SORBS2: variants seen among roughly 807,000 people sequenced by gnomAD.
SORBS2 encodes sorbin and SH3 domain containing 2.
In SORBS2, 46 loss-of-function variants were observed where a neutral mutation model predicts 97.7. The ratio of observed to expected loss-of-function variants is 0.47; its 90% CI spans 0.37 to 0.60. SORBS2 has a LOEUF of 0.60. Ranked by LOEUF, SORBS2 falls within the 20% of genes least tolerant of loss-of-function variation. The pLI is 0.00. For synonymous variants in SORBS2, 476 were observed against 473.4 expected, an observed-to-expected ratio of 1.01 and a Z score of -0.07; for missense variants, 1,316 against 1,282.3, an observed-to-expected ratio of 1.03 and a Z score of -0.40.
At position 185,670,224 on chromosome 4, in the gene SORBS2, TA is replaced by T. The variant is rs919647505; in HGVS notation, c.-45-7983del. ...ACAGAGCAAGACTCTGTCTCAAATTTAAAAAAAAAAGGTTTATTTTGCTTTA... is the reference window on the plus strand; with the variant it reads ...ACAGAGCAAGACTCTGTCTCAAATTTAAAAAAAAAGGTTTATTTTGCTTTA... On this transcript the variant is annotated intron_variant, in intron 4 of 20. Coordinates refer to the SORBS2 transcript ENST00000284776. 3.9e-4 allele frequency among the ~76,000 whole-genome samples: 58 copies of T among 148,696 alleles called. 1 individual carries two copies. Among genetic ancestry groups the T allele is most frequent in the Middle Eastern group, 3.5e-3 (1 of 288 alleles).
chr4:185,675,901 T>C (rs2097783349), intron 4 of SORBS2, among the ~76,000 whole-genome samples: 1 of 152,222 alleles, frequency 6.6e-6, no homozygotes, highest in South Asian at 2.1e-4. Context: ...TGTTTAAGGC[T>C]CGTCTGCTTT....
chr4:185,608,398 G>A (rs2096470713), intron 12 of SORBS2, among the ~76,000 whole-genome samples: 1 of 152,192 alleles, frequency 6.6e-6, no homozygotes. Flanking sequence ...AAGCTCATTT[G>A]ATGCTAACGG....
intron 1 of SORBS2, among the ~76,000 whole-genome samples, chr4:185,783,896 C>A (rs1183460244): frequency 6.6e-6 from 1 of 152,188 alleles, no homozygotes; most frequent in South Asian, 2.1e-4. Context: ...TTCCCATATT[C>A]ATTACTCTGT....
chr4:185,754,520 G>A (rs144297834), intron 2 of SORBS2, among the ~76,000 whole-genome samples: 40 of 152,200 alleles, frequency 2.6e-4, no homozygotes, highest in Middle Eastern at 3.4e-3. Context: ...TTGATAACAC[G>A]TTTTATGTAT....
rs1321200918 is a variant in SORBS2, at chr4:185,908,321, ATT to A, written c.-338+47873_-338+47874del. On this transcript the variant is annotated intron_variant, in intron 1 of 20. Coordinates refer to the SORBS2 transcript ENST00000284776. ...TATATATATATATATATATATATAT[ATT>A]TGTATACACACAAATATATATATAT... Among the ~76,000 whole-genome samples the A allele has an allele frequency of 2.3e-3, 297 of 127,100 alleles. 1 individual carries two copies. Among genetic ancestry groups the A allele is most frequent in the Non-Finnish European group, 3.7e-3 (214 of 57,812 alleles). The allele number at this position is 127,100 out of a possible 152,430, so 83.4% of individuals were successfully genotyped here.
At chr4:185,748,596 G>A (rs1584046944) in intron 2 of SORBS2, among the ~76,000 whole-genome samples, 1 of 152,320 alleles carries the variant, frequency 6.6e-6, no homozygotes, top group Non-Finnish European at 1.5e-5. Flanking sequence ...CACTGATGAC[G>A]AGAGATGGTG....
intron 2 of SORBS2, among the ~76,000 whole-genome samples, chr4:185,714,984 T>A (rs2098453829): frequency 6.6e-6 from 1 of 152,350 alleles, no homozygotes; most frequent in Middle Eastern, 3.4e-3. Flanking sequence ...TAAGCAACTG[T>A]GTTTTGGGTT....
chr4:185,932,442 T>C (rs1378126332), intron 1 of SORBS2, among the ~76,000 whole-genome samples: 1 of 151,930 alleles, frequency 6.6e-6, no homozygotes, highest in African/African-American at 2.4e-5. Context: ...GATGATTTTT[T>C]GGCCAGACAA....
intron 2 of SORBS2, among the ~76,000 whole-genome samples, chr4:185,734,988 A>T (rs2098673799): frequency 6.6e-6 from 1 of 152,224 alleles, no homozygotes; most frequent in South Asian, 2.1e-4. Flanking sequence ...ATATGGCTGC[A>T]GCAGCAGCTT....
chr4:185,682,589 AAT>A (rs2153505936), intron 2 of SORBS2, among the ~76,000 whole-genome samples: 1 of 152,352 alleles, frequency 6.6e-6, no homozygotes, highest in South Asian at 2.1e-4. Flanking sequence ...GAAGGCAATA[AAT>A]ATTTATCAAT....
At chr4:185,897,394 G>T (rs76118660) in intron 1 of SORBS2, among the ~76,000 whole-genome samples, 11,093 of 152,188 alleles carry the variant, frequency 0.073, 534 homozygotes, top group Non-Finnish European at 0.099. Flanking sequence ...CAGTCTATTC[G>T]CATTAGACCA....
intron 3 of SORBS2, among the ~76,000 whole-genome samples, chr4:185,648,566 G>A (rs575326079): frequency 6.6e-6 from 1 of 151,806 alleles, no homozygotes; most frequent in East Asian, 1.9e-4. Context: ...TGGTACAATA[G>A]GGTGTTGAAT....
At chr4:185,853,591 A>G (rs1461875541) in intron 1 of SORBS2, among the ~76,000 whole-genome samples, 1 of 152,206 alleles carries the variant, frequency 6.6e-6, no homozygotes, top group African/African-American at 2.4e-5. Context: ...GAAATATGCA[A>G]ACTTATTTTT....
chr4:185,725,798 C>A (rs1200372093), intron 2 of SORBS2, among the ~76,000 whole-genome samples: 2 of 152,102 alleles, frequency 1.3e-5, no homozygotes, highest in African/African-American at 4.8e-5. Context: ...CCTTTTAATT[C>A]CAAGCTGCAA....
At chr4:185,656,793 G>A in exon 1 of SORBS2, 2 of 1,427,520 alleles carry the variant, frequency 1.4e-6, no homozygotes, top group Non-Finnish European at 1.8e-6. Context: ...CAATGCTTTG[G>A]CAGAGTTTTA....
At chr4:185,613,593 A>G (rs921921019) in intron 11 of SORBS2, among the ~76,000 whole-genome samples, 1 of 140,964 alleles carries the variant, frequency 7.1e-6, no homozygotes, top group African/African-American at 2.6e-5. Flanking sequence ...GGTTGCAGTG[A>G]GCTGAGAGCA....
intron 14 of SORBS2, 157 bp from the exon 27 acceptor site, chr4:185,587,845 A>AAAAT (rs1161485976): frequency 9.7e-6 from 6 of 619,998 alleles, no homozygotes; most frequent in Non-Finnish European, 1.4e-5. Flanking sequence ...ATAGGCAGAC[A>AAAAT]AAATAAGCAG....
Position 185,589,598 on chromosome 4 carries a change from C to T in SORBS2, c.2953+81G>A, listed in dbSNP as rs2095872462. On this transcript the variant is annotated intron_variant, in intron 14 of 14. Transcript: ENST00000418609. ...ATTACGAATTCAAAGGAAGCTCGGCCATCACAGCAAACCACGGGAGTGAGC... is the reference window on the plus strand; with the variant it reads ...ATTACGAATTCAAAGGAAGCTCGGCTATCACAGCAAACCACGGGAGTGAGC... 4 of 798,070 alleles carry T rather than the reference C, an allele frequency of 5.0e-6. No homozygotes were observed. In the South Asian group the frequency reaches 5.6e-5, roughly 11 times the overall value. The allele number at this position is 798,070 out of a possible 1,614,324, so 49.4% of individuals were successfully genotyped here. A position where few individuals can be genotyped will look rare whatever the true frequency, so the allele number is the denominator to read the frequency against.
intron 2 of SORBS2, among the ~76,000 whole-genome samples, chr4:185,745,224 G>C (rs1342816214): frequency 6.6e-6 from 1 of 152,190 alleles, no homozygotes; most frequent in Non-Finnish European, 1.5e-5. Flanking sequence ...GGTGCTGTCA[G>C]TGGGGACTAG....
Sources: allele counts gnomAD v4.1 joint callset (sites outside exome capture counted in the v4.1 genomes callset), GRCh38; gene constraint gnomAD v4.1.1; transcripts MANE v1.5; gene names NCBI Gene and HGNC (gene_info 2026-07-23, HGNC 2026-07-21).